The following LRRC8B variants were observed in gnomAD, a reference collection of about 807,000 sequenced individuals.
LRRC8B encodes leucine rich repeat containing 8 VRAC subunit B, also known as volume-regulated anion channel subunit LRRC8B.
LRRC8B carries 23 observed loss-of-function variants against 58.8 expected under a neutral mutation model. The observed-to-expected ratio is 0.39, with a 90% CI of 0.28 to 0.55. The LOEUF (loss-of-function observed/expected upper bound fraction) is 0.55. LRRC8B is among the 20% of genes least tolerant of loss of function. The pLI is 0.62. For synonymous variants in LRRC8B, 359 were observed against 374.1 expected (o/e 0.96, Z 0.47); for missense variants, 694 against 936.0 (o/e 0.74, Z 3.37).
chr1:89,593,001 C>G lies in LRRC8B; in HGVS notation c.2370C>G (p.Leu790=), dbSNP rs767163260. The part of the protein sequence containing the change: ...VEENLLNTLP[L]PVTERLQTCL... ...AGAACTTGCTCAATACTCTTCCTCTCCCTGTAACAGAACGTTTACAGACGT... is the reference window on the plus strand; with the variant it reads ...AGAACTTGCTCAATACTCTTCCTCTGCCTGTAACAGAACGTTTACAGACGT... The change falls in exon 6 of 6, where the codon CTC becomes CTG. Residue 790 remains leucine, a synonymous_variant. Coordinates refer to ENST00000330947, the MANE Select transcript of LRRC8B (RefSeq NM_001369817.2). 1 of 1,614,060 alleles carries G rather than the reference C, an allele frequency of 6.2e-7. No homozygotes were observed. The highest frequency in any genetic ancestry group is 8.5e-7 in the Non-Finnish European group (1 of 1,179,940).
chr1:89,567,268 ATAAGT>A (rs1213347268), intron 1 of LRRC8B, among the ~76,000 whole-genome samples: 1 of 152,210 alleles, frequency 6.6e-6, no homozygotes, highest in Non-Finnish European at 1.5e-5. Context: ...AAGAAAGGTG[ATAAGT>A]TTAGTTACAG....
chr1:89,579,151 CTG>C (rs1654053583), intron 3 of LRRC8B, among the ~76,000 whole-genome samples: 1 of 152,100 alleles, frequency 6.6e-6, no homozygotes, highest in Non-Finnish European at 1.5e-5. Context: ...ATAAGAACGA[CTG>C]TGTTTGAGGA....
At chr1:89,580,956 AG>A (rs1327260647) in intron 4 of LRRC8B, among the ~76,000 whole-genome samples, 2 of 152,130 alleles carry the variant, frequency 1.3e-5, no homozygotes, top group Non-Finnish European at 2.9e-5. Flanking sequence ...CTAAGGTTCA[AG>A]GCAGGATACC....
At chr1:89,533,194 C>T (rs1053820332) in intron 1 of LRRC8B, among the ~76,000 whole-genome samples, 3 of 152,200 alleles carry the variant, frequency 2.0e-5, no homozygotes, top group African/African-American at 7.2e-5. Flanking sequence ...AAAGACAAAT[C>T]TCATCCCATA....
Position 89,583,082 on chromosome 1 carries a change from T to C in LRRC8B, c.432T>C (p.Ser144=), listed in dbSNP as rs1210423131. The C allele has an allele frequency of 6.2e-7, 1 of 1,614,086 alleles. No homozygotes were observed. The highest frequency in any genetic ancestry group is 1.3e-5 in the African/African-American group (1 of 74,940). ...ACSNFWLHYP[S]TSSRLEHFVA... is the part of the protein sequence containing the mutation. ...GCAACTTTTGGCTTCACTACCCCAG[T>C]ACCAGTTCCAGGCTCGAGCATTTTG... Residue 144 remains serine, a synonymous_variant, in exon 5 of 6, where the codon AGT becomes AGC. Transcript: ENST00000330947. The surrounding 1 kb of genome is among the most constrained non-coding windows in gnomAD (Gnocchi z 5.2).
At chr1:89,533,006 A>G (rs755616392) in intron 1 of LRRC8B, among the ~76,000 whole-genome samples, 2 of 152,158 alleles carry the variant, frequency 1.3e-5, no homozygotes, top group Non-Finnish European at 2.9e-5. Flanking sequence ...TCTAGAGTCT[A>G]TAGCCTTCAG....
At chr1:89,568,187 G>C (rs1159947662) in intron 1 of LRRC8B, 60 bp from the exon 2 acceptor site, 1 of 152,036 alleles carries the variant, frequency 6.6e-6, no homozygotes, top group East Asian at 1.9e-4. Flanking sequence ...TGCCTTATAA[G>C]CTACTGTTGT....
chr1:89,564,250 G>A (rs1652879808), intron 1 of LRRC8B, among the ~76,000 whole-genome samples: 1 of 152,168 alleles, frequency 6.6e-6, no homozygotes, highest in African/African-American at 2.4e-5. Flanking sequence ...GGCAGCCAGG[G>A]TGGAGGAAGC....
intron 1 of LRRC8B, among the ~76,000 whole-genome samples, chr1:89,534,649 G>T (rs1476371787): frequency 6.6e-6 from 1 of 152,130 alleles, no homozygotes; most frequent in African/African-American, 2.4e-5. Flanking sequence ...CGATTGACCA[G>T]AACAACACGT....
chr1:89,548,466 A>G (rs895745320), intron 1 of LRRC8B, among the ~76,000 whole-genome samples: 4 of 152,216 alleles, frequency 2.6e-5, no homozygotes, highest in African/African-American at 7.2e-5. Flanking sequence ...AGAGAAGGAC[A>G]ATCAGAACCT....
intron 1 of LRRC8B, among the ~76,000 whole-genome samples, chr1:89,530,461 T>G (rs370401958): frequency 7.9e-5 from 12 of 152,244 alleles, no homozygotes; most frequent in East Asian, 7.7e-4. Context: ...TTTTACAGTT[T>G]ATTTGGGCTA....
intron 1 of LRRC8B, among the ~76,000 whole-genome samples, chr1:89,527,724 G>A (rs962710519): frequency 4.6e-5 from 7 of 152,110 alleles, no homozygotes; most frequent in African/African-American, 1.7e-4. Context: ...AATGCCTTTG[G>A]CAGACATAAT....
Position 89,581,114 on chromosome 1 carries a change from AC to A in LRRC8B, c.-27+1430del, listed in dbSNP as rs566674566. ...AGACCAGCCTGGCCAACATGGTGAA[AC>A]CCCATCTCCTGTCTCTACTAAAAAG... On this transcript the variant is annotated intron_variant, in intron 4 of 5. Transcript: ENST00000330947. 2.0e-3 allele frequency among the ~76,000 whole-genome samples: 304 copies of A among 151,746 alleles called. 1 individual carries two copies. The highest frequency in any genetic ancestry group is 7.0e-3 in the African/African-American group (291 of 41,354).
chr1:89,529,121 C>T (rs1218065993), intron 1 of LRRC8B, among the ~76,000 whole-genome samples: 1 of 152,140 alleles, frequency 6.6e-6, no homozygotes, highest in Non-Finnish European at 1.5e-5. Context: ...TCACAGGAGT[C>T]TTAGGATTAA....
chr1:89,556,719 A>G (rs1033938157), intron 1 of LRRC8B, among the ~76,000 whole-genome samples: 1 of 152,230 alleles, frequency 6.6e-6, no homozygotes, highest in Non-Finnish European at 1.5e-5. Context: ...AATGGCAACC[A>G]GTGATTTTGA....
At position 89,548,028 on chromosome 1, in the gene LRRC8B, C is replaced by A. The variant is rs1459639; in HGVS notation, c.-240-20219C>A. Among the ~76,000 whole-genome samples, 5 of 152,304 alleles carry A rather than the reference C, an allele frequency of 3.3e-5. No homozygotes were observed. In the South Asian group the frequency reaches 1.0e-3, roughly 32 times the overall value. ...GAATTGTCTTTTATGCAGATGATGA[C>A]AGCCTTTCTAAATATTGCCTGGCTG... On this transcript the variant is annotated intron_variant, in intron 1 of 5. Transcript: ENST00000330947.
chr1:89,531,152 G>A (rs1650104454), intron 1 of LRRC8B, among the ~76,000 whole-genome samples: 1 of 152,056 alleles, frequency 6.6e-6, no homozygotes, highest in South Asian at 2.1e-4. Context: ...GTTTATTCCT[G>A]GCCCTATTTC....
chr1:89,542,771 A>C (rs1195437758), intron 1 of LRRC8B, among the ~76,000 whole-genome samples: 1 of 152,164 alleles, frequency 6.6e-6, no homozygotes, highest in Non-Finnish European at 1.5e-5. Flanking sequence ...ACTTAACATA[A>C]AGTTATCTCA....
intron 1 of LRRC8B, among the ~76,000 whole-genome samples, chr1:89,543,922 G>A (rs1273205867): frequency 6.6e-6 from 1 of 151,930 alleles, no homozygotes; most frequent in Non-Finnish European, 1.5e-5. Flanking sequence ...TGAGTAGCTG[G>A]GACCACAGTT....
Sources: allele counts gnomAD v4.1 joint callset (sites outside exome capture counted in the v4.1 genomes callset), GRCh38; gene constraint gnomAD v4.1.1; non-coding constraint Gnocchi (gnomAD v3.1); transcripts MANE v1.5; gene names NCBI Gene and HGNC (gene_info 2026-07-23, HGNC 2026-07-21).